Variants in PTPRD observed in about 807,000 individuals in gnomAD.
PTPRD encodes the protein receptor-type tyrosine-protein phosphatase delta.
PTPRD carries 34 observed loss-of-function variants against 214.5 expected under a neutral mutation model. The ratio of observed to expected loss-of-function variants is 0.16; its 90% CI spans 0.12 to 0.21. PTPRD has a LOEUF of 0.21. PTPRD is among the 10% of genes least tolerant of loss of function. PTPRD has a pLI of 1.00. For synonymous variants in PTPRD, 1,128 were observed against 845.7 expected, an observed-to-expected ratio of 1.33 and a Z score of -5.79; for missense variants, 2,545 against 2,398.7, an observed-to-expected ratio of 1.06 and a Z score of -1.27.
At chr9:9,846,349 C>T (rs1408442560) in intron 5 of PTPRD, among the ~76,000 whole-genome samples, 1 of 152,002 alleles carries the variant, frequency 6.6e-6, no homozygotes, top group Non-Finnish European at 1.5e-5. Context: ...TATCCAAAGT[C>T]TAGGTAAGAA....
At chr9:9,327,469 T>C (rs2040443082) in intron 9 of PTPRD, among the ~76,000 whole-genome samples, 1 of 152,096 alleles carries the variant, frequency 6.6e-6, no homozygotes, top group Non-Finnish European at 1.5e-5. Context: ...AAATGATAAA[T>C]CTACAAATGT....
intron 5 of PTPRD, among the ~76,000 whole-genome samples, chr9:9,789,118 A>G (rs1364554819): frequency 1.3e-5 from 2 of 152,164 alleles, no homozygotes; most frequent in Non-Finnish European, 2.9e-5. Flanking sequence ...CTTTCCATAC[A>G]TAGTATTTAT....
intron 12 of PTPRD, among the ~76,000 whole-genome samples, chr9:8,707,150 C>T (rs2098227143): frequency 1.3e-5 from 2 of 152,148 alleles, no homozygotes. Flanking sequence ...AAGGACTATA[C>T]TCTATGTCTT....
At chr9:10,537,316 T>G (rs1033955609) in intron 2 of PTPRD, among the ~76,000 whole-genome samples, 1 of 152,192 alleles carries the variant, frequency 6.6e-6, no homozygotes, top group African/African-American at 2.4e-5. Flanking sequence ...AATGTCAGCC[T>G]TAATTCCAAA....
At chr9:10,140,079 T>C (rs2098972617) in intron 3 of PTPRD, among the ~76,000 whole-genome samples, 2 of 151,982 alleles carry the variant, frequency 1.3e-5, no homozygotes, top group South Asian at 4.2e-4. Flanking sequence ...GCAAGAGAGT[T>C]TCTCTTGATG....
intron 3 of PTPRD, among the ~76,000 whole-genome samples, chr9:10,195,098 A>ATTTTTTTTTTTTTTTTTTTTTTTTTT (rs34900305): frequency 4.1e-5 from 4 of 97,910 alleles, no homozygotes; most frequent in Non-Finnish European, 3.8e-5. Flanking sequence ...ATACCCGGCT[A>ATTTTTTTTTTTTTTTTTTTTTTTTTT]TTTTTTTTTT....
At chr9:8,730,431 G>C (rs2098644278) in intron 12 of PTPRD, among the ~76,000 whole-genome samples, 2 of 152,076 alleles carry the variant, frequency 1.3e-5, no homozygotes, top group African/African-American at 4.8e-5. Context: ...TGAAGAGTGT[G>C]TCTCTACAAT....
At chr9:9,524,925 T>C (rs1473215774) in intron 8 of PTPRD, among the ~76,000 whole-genome samples, 6 of 152,212 alleles carry the variant, frequency 3.9e-5, no homozygotes, top group Non-Finnish European at 7.3e-5. Context: ...TGGCGCAATC[T>C]CGGCTCACTG....
At chr9:9,688,105 G>T (rs182083903) in intron 7 of PTPRD, among the ~76,000 whole-genome samples, 212 of 151,926 alleles carry the variant, frequency 1.4e-3, no homozygotes, top group Admixed American at 2.2e-3. Context: ...TGCCACGACT[G>T]TAAGTTTCCT....
intron 30 of PTPRD, among the ~76,000 whole-genome samples, chr9:8,483,513 G>A (rs2096932166): frequency 6.6e-6 from 1 of 152,176 alleles, no homozygotes; most frequent in South Asian, 2.1e-4. Context: ...AGCACTTTGG[G>A]AGGCTGAGGT....
chr9:9,637,315 C>T (rs1021718564), intron 7 of PTPRD, among the ~76,000 whole-genome samples: 5 of 152,130 alleles, frequency 3.3e-5, no homozygotes, highest in African/African-American at 7.2e-5. Flanking sequence ...GGGTGAGATT[C>T]GTATCGGGGC....
chr9:9,516,669 C>G (rs1246555745), intron 8 of PTPRD, among the ~76,000 whole-genome samples: 1 of 152,024 alleles, frequency 6.6e-6, no homozygotes, highest in Non-Finnish European at 1.5e-5. Context: ...TCCTCAGTAG[C>G]TGGGACTACA....
At chr9:9,919,761 GCTAA>G (rs1350890393) in intron 5 of PTPRD, among the ~76,000 whole-genome samples, 1 of 152,108 alleles carries the variant, frequency 6.6e-6, no homozygotes, top group Non-Finnish European at 1.5e-5. Flanking sequence ...ATGACCTGGT[GCTAA>G]CTATTTAACC....
chr9:8,536,623 G>C (rs1448325468), intron 14 of PTPRD, among the ~76,000 whole-genome samples: 2 of 151,974 alleles, frequency 1.3e-5, no homozygotes, highest in Non-Finnish European at 2.9e-5. Flanking sequence ...CTGAGATTTA[G>C]TACTGTGCCT....
At chr9:9,367,986 C>T (rs972351492) in intron 9 of PTPRD, among the ~76,000 whole-genome samples, 2 of 151,686 alleles carry the variant, frequency 1.3e-5, no homozygotes, top group South Asian at 4.1e-4. Context: ...TATATGTTGA[C>T]GTAAGGACAG....
At chr9:8,929,780 G>GTGTATATATGTGTATATATAT (rs1272978143) in intron 11 of PTPRD, among the ~76,000 whole-genome samples, 7 of 82,444 alleles carry the variant, frequency 8.5e-5, no homozygotes, top group Admixed American at 4.2e-4. Context: ...TATATATATG[G>GTGTATATATGTGTATATATAT]GTGTGTATAT....
At chr9:10,500,341 A>G (rs1020150288) in intron 2 of PTPRD, among the ~76,000 whole-genome samples, 76 of 152,046 alleles carry the variant, frequency 5.0e-4, no homozygotes, top group Non-Finnish European at 3.7e-4. Context: ...GAAAAACACA[A>G]GAATATATAA....
At chr9:9,342,552 AAGT>A (rs1255104871) in intron 9 of PTPRD, among the ~76,000 whole-genome samples, 3 of 152,120 alleles carry the variant, frequency 2.0e-5, no homozygotes, top group African/African-American at 7.2e-5. Flanking sequence ...TGGAAGGGAA[AAGT>A]AGAGCTGTTG....
chr9:10,131,858 C>T (rs564342773), intron 3 of PTPRD, among the ~76,000 whole-genome samples: 5 of 152,070 alleles, frequency 3.3e-5, no homozygotes, highest in African/African-American at 1.2e-4. Flanking sequence ...ATTTTCCCAT[C>T]GCTTTGTGAC....
Sources: gnomAD v4.1 joint callset for allele counts (sites outside exome capture counted in the v4.1 genomes callset) on GRCh38, gnomAD v4.1.1 for gene constraint, MANE v1.5 for transcripts, NCBI Gene and HGNC (gene_info 2026-07-23, HGNC 2026-07-21) for gene names.